The following ASAP2 variants were observed in gnomAD, a reference collection of about 807,000 sequenced individuals.
ASAP2 encodes ArfGAP with SH3 domain, ankyrin repeat and PH domain 2.
ASAP2 carries 45 observed loss-of-function variants against 131.4 expected under a neutral mutation model. The observed-to-expected ratio is 0.34, with a 90% CI of 0.27 to 0.44. The LOEUF (loss-of-function observed/expected upper bound fraction) is 0.44. ASAP2 is among the 20% of genes least tolerant of loss of function. The pLI, the probability that ASAP2 is intolerant of heterozygous loss-of-function variation, is 1.00. For synonymous variants in ASAP2, 510 were observed against 503.0 expected, an observed-to-expected ratio of 1.01 and a Z score of -0.19; for missense variants, 1,011 against 1,297.0, an observed-to-expected ratio of 0.78 and a Z score of 3.39.
At position 9,392,034 on chromosome 2, in the gene ASAP2, A is replaced by G. The variant is rs1440850264; in HGVS notation, c.2518+838A>G. Among the ~76,000 whole-genome samples, 1 of 151,920 alleles carries G rather than the reference A, an allele frequency of 6.6e-6. No homozygotes were observed. Among genetic ancestry groups the G allele is most frequent in the Non-Finnish European group, 1.5e-5 (1 of 67,982 alleles). On this transcript the variant is annotated intron_variant, in intron 23 of 27. Transcript: ENST00000281419. The surrounding 1 kb of genome is among the most constrained non-coding windows in gnomAD (Gnocchi z 4.0). The stretch of plus-strand genomic sequence containing the variant: ...TAGCTGGGATTATTGGTGCAAGCGT[A>G]TTTTTTGTAGAGACAGGGTTTTGCT...
chr2:9,241,093 G>C (rs1240008112), intron 1 of ASAP2, among the ~76,000 whole-genome samples: 2 of 152,200 alleles, frequency 1.3e-5, no homozygotes, highest in Admixed American at 1.3e-4. Context: ...TTTGGACTGT[G>C]GTTAGTGGAA....
intron 3 of ASAP2, among the ~76,000 whole-genome samples, chr2:9,304,257 T>C (rs1196356802): frequency 1.3e-5 from 2 of 152,202 alleles, no homozygotes; most frequent in Non-Finnish European, 2.9e-5. Context: ...ACATGCTGTT[T>C]CTGTTTGAAA....
intron 1 of ASAP2, among the ~76,000 whole-genome samples, chr2:9,270,558 G>A (rs536670362): frequency 1.3e-5 from 2 of 151,790 alleles, no homozygotes; most frequent in South Asian, 4.2e-4. Flanking sequence ...AAAGCATTTA[G>A]CCTTCTTTTG....
intron 2 of ASAP2, among the ~76,000 whole-genome samples, chr2:9,292,701 C>T (rs188005904): frequency 1.2e-4 from 18 of 152,308 alleles, no homozygotes; most frequent in Admixed American, 4.6e-4. Flanking sequence ...GAGTCCTCAG[C>T]GCCTAGCACA....
chr2:9,361,196 T>G (rs1673050469), intron 15 of ASAP2, among the ~76,000 whole-genome samples: 1 of 152,218 alleles, frequency 6.6e-6, no homozygotes, highest in Non-Finnish European at 1.5e-5. Flanking sequence ...ATTTTCAAAA[T>G]CTAATTGCTT....
At chr2:9,335,223 C>T (rs749815952) in intron 9 of ASAP2, 44 bp downstream of exon 9, 1 of 1,566,460 alleles carries the variant, frequency 6.4e-7, no homozygotes, top group Non-Finnish European at 8.8e-7. Flanking sequence ...TCACCCCATT[C>T]TTGGAGGCTT....
At chr2:9,362,299 G>A (rs1416625646) in intron 15 of ASAP2, among the ~76,000 whole-genome samples, 2 of 152,210 alleles carry the variant, frequency 1.3e-5, no homozygotes, top group Non-Finnish European at 2.9e-5. Flanking sequence ...GGTGGGTGCA[G>A]CCTGGACAGG....
Position 9,400,493 on chromosome 2 carries a change from C to A in ASAP2, c.2735-249C>A, listed in dbSNP as rs187745759. ...TCCCTCGGCCTCTGAGACCCCTGCT[C>A]CTGAGCAGCTCAGTCCTGGGGCCCC... is the stretch of plus-strand genomic sequence containing the variant. On this transcript the variant is annotated intron_variant, in intron 25 of 27. Coordinates refer to ENST00000281419, the MANE Select transcript of ASAP2 (RefSeq NM_003887.3). Among the ~76,000 whole-genome samples the A allele has an allele frequency of 2.0e-3, 307 of 150,534 alleles. 1 individual carries two copies. The highest frequency in any genetic ancestry group is 7.0e-3 in the African/African-American group (286 of 40,866).
At position 9,358,962 on chromosome 2, in the gene ASAP2, A is replaced by C; in HGVS notation, c.1461+73A>C. 6 of 1,525,218 alleles carry C rather than the reference A, an allele frequency of 3.9e-6. No homozygotes were observed. The South Asian group carries it at 7.5e-5, about 19-fold the overall frequency. 94.5% of individuals were successfully genotyped at this position (1,525,218 alleles called of 1,614,324 possible). Reference sequence around the variant, plus strand: ...GCTAAATTTTACTTTTGGCATTCTAATCCATTTTGGTAAGCTAGTGGTTGT... The same window carrying C: ...GCTAAATTTTACTTTTGGCATTCTACTCCATTTTGGTAAGCTAGTGGTTGT... On this transcript the variant is annotated intron_variant, in intron 15 of 27. Coordinates refer to ENST00000281419, the MANE Select transcript of ASAP2 (RefSeq NM_003887.3).
At chr2:9,323,372 C>G in intron 6 of ASAP2, 122 bp downstream of exon 6, 3 of 1,413,190 alleles carry the variant, frequency 2.1e-6, no homozygotes, top group Non-Finnish European at 2.9e-6. Context: ...GCTGGACTCC[C>G]TTTGCCCCTG....
chr2:9,253,353 A>G (rs985349576), intron 1 of ASAP2, among the ~76,000 whole-genome samples: 21 of 152,052 alleles, frequency 1.4e-4, no homozygotes, highest in African/African-American at 4.8e-4. Flanking sequence ...TAGTAGAGAC[A>G]GAGATTCACC....
chr2:9,242,039 A>G (rs2148079136), intron 1 of ASAP2, among the ~76,000 whole-genome samples: 1 of 152,256 alleles, frequency 6.6e-6, no homozygotes, highest in Non-Finnish European at 1.5e-5. Context: ...TTCGAGCACT[A>G]GTTTCCTCAT....
intron 16 of ASAP2, among the ~76,000 whole-genome samples, chr2:9,374,048 C>T (rs1011642839): frequency 6.6e-6 from 1 of 152,226 alleles, no homozygotes; most frequent in Non-Finnish European, 1.5e-5. Flanking sequence ...AGATGAAATA[C>T]TTATTCAAGT....
At position 9,323,270 on chromosome 2, in the gene ASAP2, AG is replaced by A; in HGVS notation, c.600+22del. The A allele has an allele frequency of 6.2e-7, 1 of 1,613,886 alleles. No homozygotes were observed. Among genetic ancestry groups the A allele is most frequent in the African/African-American group, 1.3e-5 (1 of 75,068 alleles). The stretch of plus-strand genomic sequence containing the variant: ...TGCGAGGTAAGGCGGTGGTGAAGGC[AG>A]GTCCTACAGCCCAGGCTGTGCCGGC... On this transcript the variant is annotated intron_variant, in intron 6 of 27. Transcript: ENST00000281419.
At chr2:9,234,110 CAAAAAA>C (rs70948810) in intron 1 of ASAP2, among the ~76,000 whole-genome samples, 1 of 76,598 alleles carries the variant, frequency 1.3e-5, no homozygotes, top group Admixed American at 1.4e-4. Flanking sequence ...AGCTATGTCT[CAAAAAA>C]AAAAAAAAAA....
At chr2:9,226,632 C>A (rs1221175968) in intron 1 of ASAP2, among the ~76,000 whole-genome samples, 1 of 152,200 alleles carries the variant, frequency 6.6e-6, no homozygotes, top group Non-Finnish European at 1.5e-5. Context: ...AAGGTCCTTT[C>A]AGGCTGCCGT....
chr2:9,259,020 T>C (rs1665385449), intron 1 of ASAP2, among the ~76,000 whole-genome samples: 1 of 152,188 alleles, frequency 6.6e-6, no homozygotes, highest in East Asian at 1.9e-4. Flanking sequence ...CCTTTCTCTG[T>C]GGTGTCTGCA....
At chr2:9,226,782 G>A (rs1662801043) in intron 1 of ASAP2, among the ~76,000 whole-genome samples, 1 of 152,220 alleles carries the variant, frequency 6.6e-6, no homozygotes, top group Non-Finnish European at 1.5e-5. Context: ...AGCAAACGGT[G>A]TGCTCTTCCC....
At chr2:9,402,048 C>T (rs547614511) in intron 27 of ASAP2, among the ~76,000 whole-genome samples, 1 of 152,336 alleles carries the variant, frequency 6.6e-6, no homozygotes, top group East Asian at 1.9e-4. Context: ...AAGCCCCAGG[C>T]TGAGCCCACC....
Sources: allele counts gnomAD v4.1 joint callset (sites outside exome capture counted in the v4.1 genomes callset), GRCh38; gene constraint gnomAD v4.1.1; non-coding constraint Gnocchi (gnomAD v3.1); transcripts MANE v1.5; gene names NCBI Gene and HGNC (gene_info 2026-07-23, HGNC 2026-07-21).